Variants in RBMS3 observed in about 807,000 individuals in gnomAD.
The protein encoded by RBMS3 is RNA-binding motif, single-stranded-interacting protein 3.
Under a neutral mutation model 66.8 loss-of-function variants are expected in RBMS3, and 27 were observed. The ratio of observed to expected loss-of-function variants is 0.40; its 90% CI spans 0.30 to 0.56. The LOEUF is 0.56. Among genes scored for constraint, RBMS3 ranks in the 20% least tolerant of loss-of-function variants. The pLI is 0.40. For missense variants in RBMS3, 513 were observed against 549.5 expected, an observed-to-expected ratio of 0.93 and a Z score of 0.66; for synonymous variants, 188 against 183.0, an observed-to-expected ratio of 1.03 and a Z score of -0.22.
At chr3:29,823,125 A>C (rs571500536) in intron 6 of RBMS3, among the ~76,000 whole-genome samples, 7 of 152,290 alleles carry the variant, frequency 4.6e-5, no homozygotes, top group East Asian at 1.9e-4. Flanking sequence ...CATTGTGTAT[A>C]GAGGGAAAAA....
chr3:29,926,419 T>C (rs767813954), intron 10 of RBMS3, among the ~76,000 whole-genome samples: 6 of 152,146 alleles, frequency 3.9e-5, no homozygotes, highest in African/African-American at 1.4e-4. Context: ...TTCTTAGTAA[T>C]AGCCAAAAAT....
chr3:29,447,250 T>A (rs574257090), intron 2 of RBMS3, among the ~76,000 whole-genome samples: 2 of 152,210 alleles, frequency 1.3e-5, no homozygotes, highest in African/African-American at 2.4e-5. Context: ...ATTAAAAATA[T>A]TCATTTAAGT....
intron 10 of RBMS3, chr3:29,925,039 C>G (rs1290851672): frequency 6.6e-5 from 10 of 152,108 alleles, no homozygotes; most frequent in African/African-American, 1.9e-4. Flanking sequence ...AGGAAGACAG[C>G]ATTCAGAGCG....
intron 4 of RBMS3, among the ~76,000 whole-genome samples, chr3:29,641,957 A>T (rs1169249319): frequency 1.3e-5 from 2 of 152,076 alleles, no homozygotes; most frequent in Non-Finnish European, 2.9e-5. Flanking sequence ...GAGGGAACCA[A>T]ACAATGAGGA....
chr3:29,600,662 T>C (rs2048112059), intron 4 of RBMS3, among the ~76,000 whole-genome samples: 1 of 152,126 alleles, frequency 6.6e-6, no homozygotes, highest in Non-Finnish European at 1.5e-5. Flanking sequence ...CAACATAAAG[T>C]AGCCAAAAAT....
chr3:29,378,502 AAAAC>A (rs1459358781), intron 1 of RBMS3, among the ~76,000 whole-genome samples: 22 of 144,820 alleles, frequency 1.5e-4, no homozygotes, highest in Admixed American at 8.9e-4. Flanking sequence ...AAAAAAACAA[AAAAC>A]AACTGTCTAT....
At chr3:29,609,167 A>G (rs1400631589) in intron 4 of RBMS3, among the ~76,000 whole-genome samples, 1 of 152,096 alleles carries the variant, frequency 6.6e-6, no homozygotes, top group Non-Finnish European at 1.5e-5. Context: ...TGAATATAAA[A>G]GTTTCTAAAT....
At chr3:29,885,852 A>G (rs34703005) in intron 8 of RBMS3, among the ~76,000 whole-genome samples, 31,948 of 151,714 alleles carry the variant, frequency 0.21, 3,793 homozygotes, top group Non-Finnish European at 0.27. Flanking sequence ...ACTTGTGAAA[A>G]GTACCTTGTT....
chr3:29,728,073 G>A (rs1368778803), intron 4 of RBMS3, among the ~76,000 whole-genome samples: 1 of 152,134 alleles, frequency 6.6e-6, no homozygotes, highest in Non-Finnish European at 1.5e-5. Context: ...GGATGAAGCT[G>A]GAAGCTATCA....
At chr3:29,589,230 C>T (rs1176964216) in intron 4 of RBMS3, among the ~76,000 whole-genome samples, 1 of 152,102 alleles carries the variant, frequency 6.6e-6, no homozygotes, top group Non-Finnish European at 1.5e-5. Context: ...CTCTTACCCA[C>T]TCCCCCGCAC....
chr3:29,933,639 A>G (rs2061188838), intron 10 of RBMS3, among the ~76,000 whole-genome samples: 1 of 152,100 alleles, frequency 6.6e-6, no homozygotes, highest in Non-Finnish European at 1.5e-5. Context: ...TTCCCCAAGA[A>G]TCCTTATTTT....
At chr3:29,724,619 T>A (rs77122311) in intron 4 of RBMS3, among the ~76,000 whole-genome samples, 1 of 152,112 alleles carries the variant, frequency 6.6e-6, no homozygotes, top group African/African-American at 2.4e-5. Context: ...AGTTATACAG[T>A]CAATCCAAAT....
chr3:29,940,756 CT>C (rs1159735048), intron 11 of RBMS3, among the ~76,000 whole-genome samples: 1 of 94,364 alleles, frequency 1.1e-5, no homozygotes, highest in Non-Finnish European at 3.0e-5. Context: ...ATCTGCAGGC[CT>C]CAAAAAAAAA....
chr3:29,488,610 T>C (rs893981736), intron 3 of RBMS3, 111 bp downstream of exon 3: 6 of 849,664 alleles, frequency 7.1e-6, no homozygotes, highest in African/African-American at 1.8e-5. Flanking sequence ...ATGCATAGTA[T>C]GGAAAACCTC....
At chr3:29,514,306 T>A (rs2044526383) in intron 3 of RBMS3, among the ~76,000 whole-genome samples, 1 of 152,158 alleles carries the variant, frequency 6.6e-6, no homozygotes, top group African/African-American at 2.4e-5. Flanking sequence ...TCTCACCATG[T>A]TTGGCAACCT....
intron 12 of RBMS3, among the ~76,000 whole-genome samples, chr3:29,945,023 T>G (rs1695204997): frequency 6.6e-6 from 1 of 151,758 alleles, no homozygotes; most frequent in Non-Finnish European, 1.5e-5. Context: ...GAATTTTGAT[T>G]TATTGCAAAG....
At chr3:29,853,423 C>CTTTTCTTTTT (rs2058987482) in intron 6 of RBMS3, among the ~76,000 whole-genome samples, 1 of 84,540 alleles carries the variant, frequency 1.2e-5, no homozygotes, top group Non-Finnish European at 2.1e-5. Context: ...AATTTACTTT[C>CTTTTCTTTTT]TTTTTTTTTT....
intron 1 of RBMS3, among the ~76,000 whole-genome samples, chr3:29,429,933 TTTTATTTA>T (rs3041547): frequency 0.11 from 16,190 of 149,786 alleles, 1,175 homozygotes; most frequent in East Asian, 0.29. Context: ...TTGACACTTC[TTTTATTTA>T]TTTATTTATT....
intron 1 of RBMS3, among the ~76,000 whole-genome samples, chr3:29,399,294 A>G (rs1170219462): frequency 6.6e-6 from 1 of 152,106 alleles, no homozygotes; most frequent in Non-Finnish European, 1.5e-5. Flanking sequence ...TTATATCAGT[A>G]ATAGTTTGGT....
Sources: allele counts gnomAD v4.1 joint callset (sites outside exome capture counted in the v4.1 genomes callset), GRCh38; gene constraint gnomAD v4.1.1; transcripts MANE v1.5; gene names NCBI Gene and HGNC (gene_info 2026-07-23, HGNC 2026-07-21).